ORC4: variants seen among roughly 807,000 people sequenced by gnomAD.
ORC4 encodes the protein origin recognition complex, subunit 4 homolog.
A neutral mutation model predicts 63.9 loss-of-function variants in ORC4; 55 were observed. The ratio of observed to expected loss-of-function variants is 0.86; its 90% CI spans 0.69 to 1.08. The LOEUF (loss-of-function observed/expected upper bound fraction) is 1.08, where lower values mean the gene tolerates loss of function less well. ORC4 is among the 50% of genes least tolerant of loss of function. The pLI is 0.00. For synonymous variants in ORC4, 150 were observed against 168.5 expected (o/e 0.89, Z 0.85); for missense variants, 511 against 504.4 (o/e 1.01, Z -0.13).
chr2:147,955,168 G>A (rs964722944), intron 7 of ORC4, among the ~76,000 whole-genome samples, 179 bp downstream of exon 7: 1 of 151,344 alleles, frequency 6.6e-6, no homozygotes, highest in South Asian at 2.1e-4. Context: ...GAAACCAAAT[G>A]CTAATTGAGA....
intron 1 of ORC4, 159 bp downstream of exon 1, chr2:148,020,474 C>A (rs17218798): frequency 0.023 from 3,580 of 152,434 alleles, 84 homozygotes; most frequent in Non-Finnish European, 0.031. Context: ...CTGGTCCTGG[C>A]CTTCCCGGCC....
chr2:147,986,361 C>A (rs1691200402), intron 1 of ORC4, among the ~76,000 whole-genome samples: 1 of 152,104 alleles, frequency 6.6e-6, no homozygotes, highest in East Asian at 1.9e-4. Context: ...CTAACTTTAA[C>A]CTCACTCTTA....
chr2:147,958,358 GA>G lies in ORC4; in HGVS notation c.326del (p.Ile109ThrfsTer3). 2.5e-6 allele frequency: 4 copies of G among 1,611,932 alleles called. No homozygotes were observed. The African/African-American group carries it at 5.3e-5, about 22-fold the overall frequency. ...ACTGCCTTGTGATTTCCTTTAGGGC[GA>G]TTTTGTCATTGATCTGCAGCAGTCC... Reference protein sequence around the residue: ...LNGLLQINDKIALKEITRQLN... With the variant: ...LNGLLQINDKXALKEITRQLN... On this transcript the variant is annotated frameshift_variant, in exon 6 of 14. Transcript: ENST00000392857. LOFTEE classifies it high-confidence loss of function.
In ORC4 at chr2:147,935,185, A is replaced by G; in HGVS notation, c.*325T>C. 1 of 277,114 alleles carries G rather than the reference A, an allele frequency of 3.6e-6. No individual in the cohort carries two copies. The highest frequency in any genetic ancestry group is 4.7e-5 in the South Asian group (1 of 21,254). The allele number at this position is 277,114 out of a possible 1,614,324, so 17.2% of individuals were successfully genotyped here. A position where few individuals can be genotyped will look rare whatever the true frequency, so the allele number is the denominator to read the frequency against. ...CTCCTTTGGTTTAAGGTTTGTAAAGACATCTAGCTGTTAGGTTGAAGTGAG... is the reference window on the plus strand; with the variant it reads ...CTCCTTTGGTTTAAGGTTTGTAAAGGCATCTAGCTGTTAGGTTGAAGTGAG... On this transcript the variant is annotated 3_prime_UTR_variant, in exon 14 of 14. Coordinates refer to ENST00000392857, the MANE Select transcript of ORC4 (RefSeq NM_181741.4).
At chr2:147,970,312 C>T (rs1255245698) in intron 4 of ORC4, among the ~76,000 whole-genome samples, 3 of 152,068 alleles carry the variant, frequency 2.0e-5, no homozygotes, top group Non-Finnish European at 4.4e-5. Context: ...CAAAGATTCC[C>T]AGAATTTTCT....
chr2:147,991,965 T>G (rs1321653907), intron 1 of ORC4, among the ~76,000 whole-genome samples: 1 of 152,240 alleles, frequency 6.6e-6, no homozygotes, highest in Non-Finnish European at 1.5e-5. Context: ...GGAGGACTTC[T>G]TTAAAGTATA....
chr2:147,944,844 T>C (rs886742657), intron 9 of ORC4, among the ~76,000 whole-genome samples: 1 of 152,032 alleles, frequency 6.6e-6, no homozygotes, highest in Non-Finnish European at 1.5e-5. Flanking sequence ...TCAGGAAATA[T>C]ATTATCTTAA....
chr2:147,948,607 G>C (rs564855236), intron 8 of ORC4, among the ~76,000 whole-genome samples: 10 of 150,744 alleles, frequency 6.6e-5, no homozygotes, highest in Admixed American at 3.3e-4. Context: ...TAGGCAGCAG[G>C]AACCAACTTT....
At chr2:148,001,952 T>C (rs988763971) in intron 1 of ORC4, among the ~76,000 whole-genome samples, 3 of 151,674 alleles carry the variant, frequency 2.0e-5, no homozygotes, top group Admixed American at 6.6e-5. Flanking sequence ...AGAGCAGGGG[T>C]TGCAATCCTA....
At chr2:148,015,823 C>A (rs1318029175) in intron 1 of ORC4, among the ~76,000 whole-genome samples, 1 of 152,098 alleles carries the variant, frequency 6.6e-6, no homozygotes, top group Admixed American at 6.6e-5. Flanking sequence ...GCAATATCAA[C>A]AATGCATTTG....
chr2:147,963,276 T>C (rs116776478), intron 4 of ORC4, among the ~76,000 whole-genome samples: 520 of 152,206 alleles, frequency 3.4e-3, no homozygotes, highest in East Asian at 8.3e-3. Flanking sequence ...TGGCAGACAC[T>C]CTTTTGGGCC....
At chr2:147,998,620 G>A (rs925649921) in intron 1 of ORC4, among the ~76,000 whole-genome samples, 1 of 152,138 alleles carries the variant, frequency 6.6e-6, no homozygotes, top group African/African-American at 2.4e-5. Flanking sequence ...CTATGCTCTT[G>A]AACTTCTCAG....
intron 10 of ORC4, among the ~76,000 whole-genome samples, chr2:147,939,762 T>G (rs1207602101): frequency 6.6e-6 from 1 of 152,028 alleles, no homozygotes; most frequent in Non-Finnish European, 1.5e-5. Context: ...GAAAGCACAG[T>G]CTCCTTCTCT....
chr2:147,961,943 G>T (rs1378644516), intron 4 of ORC4, among the ~76,000 whole-genome samples: 1 of 152,182 alleles, frequency 6.6e-6, no homozygotes, highest in African/African-American at 2.4e-5. Flanking sequence ...TATTAAGCAA[G>T]ATGGCTGATT....
intron 1 of ORC4, among the ~76,000 whole-genome samples, chr2:147,997,429 T>C (rs1201461850): frequency 6.6e-6 from 1 of 152,296 alleles, no homozygotes; most frequent in East Asian, 1.9e-4. Flanking sequence ...AACATTTATA[T>C]ACCAAAGTAA....
At chr2:147,974,077 A>G (rs540040124) in intron 2 of ORC4, among the ~76,000 whole-genome samples, 2 of 152,294 alleles carry the variant, frequency 1.3e-5, no homozygotes, top group East Asian at 3.9e-4. Flanking sequence ...CTTCTCCTAG[A>G]CTGACAGCAT....
In ORC4 at chr2:147,964,132, G is replaced by A. The variant is rs1426440764; in HGVS notation, c.226-5266C>T. ...CAGACAAGAATCATAAAGAAATACA[G>A]AAAATGCCAGAAGAATTTAAAATAA... On this transcript the variant is annotated intron_variant, in intron 4 of 13. Transcript: ENST00000392857. 2.0e-5 allele frequency among the ~76,000 whole-genome samples: 3 copies of A among 151,960 alleles called. No homozygotes were observed. In the East Asian group the frequency reaches 5.8e-4, roughly 29 times the overall value.
intron 1 of ORC4, among the ~76,000 whole-genome samples, chr2:148,016,022 A>C (rs1038638838): frequency 6.6e-6 from 1 of 152,200 alleles, no homozygotes; most frequent in Non-Finnish European, 1.5e-5. Context: ...AACTCAACGT[A>C]AGAACTCAAC....
At chr2:147,998,656 C>T (rs1692123628) in intron 1 of ORC4, among the ~76,000 whole-genome samples, 1 of 152,122 alleles carries the variant, frequency 6.6e-6, no homozygotes, top group Non-Finnish European at 1.5e-5. Flanking sequence ...GCTATAAAAC[C>T]TCATATCTTT....
Sources: allele counts gnomAD v4.1 joint callset (sites outside exome capture counted in the v4.1 genomes callset), GRCh38; gene constraint gnomAD v4.1.1; transcripts MANE v1.5; gene names NCBI Gene and HGNC (gene_info 2026-07-23, HGNC 2026-07-21).